The following CDH18 variants were observed in gnomAD, a reference collection of about 807,000 sequenced individuals.
The protein encoded by CDH18 is cadherin 18.
Under a neutral mutation model 67.9 loss-of-function variants are expected in CDH18, and 31 were observed. That is an observed-to-expected ratio of 0.46 (90% confidence interval 0.34 to 0.62). The LOEUF is 0.62. Ranked by LOEUF, CDH18 falls within the 20% of genes least tolerant of loss-of-function variation. The pLI is 0.01. For synonymous variants in CDH18, 362 were observed against 347.2 expected (o/e 1.04, Z -0.48); for missense variants, 890 against 975.5 (o/e 0.91, Z 1.17).
intron 5 of CDH18, among the ~76,000 whole-genome samples, chr5:19,640,260 C>T (rs1424995251): frequency 1.3e-5 from 2 of 152,056 alleles, no homozygotes; most frequent in African/African-American, 4.8e-5. Context: ...AAAAACTAAT[C>T]ATTAAAATAT....
In CDH18 at chr5:19,472,006, T is replaced by C. The variant is rs77364256; in HGVS notation, c.*1220A>G. ...CATCTCTACTTTGTGGTTTGGACCC[T>C]GAACACAGAGACTTTCGGAAACATA... On this transcript the variant is annotated 3_prime_UTR_variant, in exon 13 of 13. Coordinates refer to ENST00000382275, the MANE Select transcript of CDH18 (RefSeq NM_004934.5). Among the ~76,000 whole-genome samples, 1 of 152,042 alleles carries C rather than the reference T, an allele frequency of 6.6e-6. No individual in the cohort carries two copies. Among genetic ancestry groups the C allele is most frequent in the Admixed American group, 6.6e-5 (1 of 15,242 alleles).
intron 1 of CDH18, among the ~76,000 whole-genome samples, chr5:20,312,987 G>T (rs1156626250): frequency 6.6e-6 from 1 of 151,904 alleles, no homozygotes; most frequent in African/African-American, 2.4e-5. Flanking sequence ...TAAATAGCAG[G>T]TGCTTAAAAC....
At chr5:19,970,743 T>C (rs1797941301) in intron 2 of CDH18, among the ~76,000 whole-genome samples, 1 of 151,288 alleles carries the variant, frequency 6.6e-6, no homozygotes, top group Non-Finnish European at 1.5e-5. Flanking sequence ...CATTTATTTA[T>C]ACCGTAAAAT....
intron 2 of CDH18, among the ~76,000 whole-genome samples, chr5:20,215,934 T>C (rs1328549006): frequency 3.3e-5 from 5 of 151,580 alleles, no homozygotes; most frequent in Admixed American, 6.6e-5. Flanking sequence ...TGGGAACACA[T>C]GAACACATAG....
At chr5:19,693,366 T>A (rs1198493507) in intron 5 of CDH18, among the ~76,000 whole-genome samples, 1 of 152,224 alleles carries the variant, frequency 6.6e-6, no homozygotes, top group Non-Finnish European at 1.5e-5. Flanking sequence ...CTTATTTTTT[T>A]GAAGAGTTTA....
intron 1 of CDH18, among the ~76,000 whole-genome samples, chr5:20,255,710 T>C (rs1744183722): frequency 6.6e-6 from 1 of 151,990 alleles, no homozygotes; most frequent in South Asian, 2.1e-4. Flanking sequence ...TATGTCCAGT[T>C]AGAATTTTAG....
At chr5:20,468,427 T>C (rs903948338) in intron 1 of CDH18, among the ~76,000 whole-genome samples, 3 of 152,204 alleles carry the variant, frequency 2.0e-5, no homozygotes, top group Non-Finnish European at 4.4e-5. Flanking sequence ...CTTTCCCTCT[T>C]TTAGAATGAT....
chr5:20,216,439 C>T (rs1436454983), intron 2 of CDH18, among the ~76,000 whole-genome samples: 1 of 151,828 alleles, frequency 6.6e-6, no homozygotes, highest in Admixed American at 6.6e-5. Context: ...TAGTGGGAAC[C>T]TGTCTAAAAA....
At chr5:20,383,649 T>C (rs1744089154) in intron 1 of CDH18, among the ~76,000 whole-genome samples, 1 of 152,168 alleles carries the variant, frequency 6.6e-6, no homozygotes, top group East Asian at 1.9e-4. Context: ...CTCTTTTGCG[T>C]GAATCTTTCA....
At chr5:19,757,881 C>T (rs1029947064) in intron 3 of CDH18, among the ~76,000 whole-genome samples, 4 of 152,208 alleles carry the variant, frequency 2.6e-5, no homozygotes, top group African/African-American at 7.2e-5. Flanking sequence ...GATTTCCCTT[C>T]ACCGTTGTCC....
rs71647400 is a variant in CDH18 at position 20,363,718 on chromosome 5, A to ATT, written c.-579-108215_-579-108214dup. 3.6e-3 allele frequency among the ~76,000 whole-genome samples: 536 copies of ATT among 147,596 alleles called. 3 individuals are homozygous for ATT. Among genetic ancestry groups the ATT allele is most frequent in the African/African-American group, 5.6e-3 (226 of 40,278 alleles). ...AACAGATCCCACTTTAGCAAAGTTA[A>ATT]TTTTTTTTTTTTTTACACTTTCTCA... On this transcript the variant is annotated intron_variant, in intron 1 of 14. Transcript: ENST00000507958.
intron 2 of CDH18, among the ~76,000 whole-genome samples, chr5:20,093,740 A>G (rs1389060632): frequency 6.6e-6 from 1 of 152,194 alleles, no homozygotes; most frequent in Non-Finnish European, 1.5e-5. Flanking sequence ...TATGAGTTGC[A>G]TTTCTTTTCT....
At chr5:19,517,725 A>T (rs1746256464) in intron 10 of CDH18, among the ~76,000 whole-genome samples, 1 of 152,116 alleles carries the variant, frequency 6.6e-6, no homozygotes, top group Admixed American at 6.6e-5. Flanking sequence ...ACTTTCAGCT[A>T]TAATCATCTT....
intron 12 of CDH18, among the ~76,000 whole-genome samples, chr5:19,475,305 T>C (rs923814048): frequency 5.3e-5 from 8 of 151,524 alleles, no homozygotes; most frequent in African/African-American, 1.9e-4. Flanking sequence ...TTGATACACA[T>C]AATTTAGTAA....
At chr5:20,496,572 C>T (rs13171148) in intron 1 of CDH18, among the ~76,000 whole-genome samples, 23,404 of 152,014 alleles carry the variant, frequency 0.15, 2,421 homozygotes, top group Non-Finnish European at 0.23. Context: ...GATGGAGTCT[C>T]GCTCTGTCGC....
chr5:20,219,979 C>T (rs548110605), intron 2 of CDH18, among the ~76,000 whole-genome samples: 1 of 151,518 alleles, frequency 6.6e-6, no homozygotes, highest in Non-Finnish European at 1.5e-5. Context: ...TTGAAGAGGG[C>T]ACCAAAAAAG....
intron 2 of CDH18, among the ~76,000 whole-genome samples, chr5:20,109,316 T>C (rs1171467684): frequency 6.6e-6 from 1 of 152,210 alleles, no homozygotes; most frequent in South Asian, 2.1e-4. Flanking sequence ...AGACACAGTC[T>C]CCAAGTTTAA....
chr5:19,490,406 T>G (rs911783557), intron 11 of CDH18, among the ~76,000 whole-genome samples: 2 of 120,146 alleles, frequency 1.7e-5, no homozygotes, highest in Admixed American at 8.5e-5. Flanking sequence ...TTTTTTTTTT[T>G]TTTTTTTTTT....
At chr5:19,820,734 C>T (rs78422458) in intron 3 of CDH18, among the ~76,000 whole-genome samples, 6,794 of 152,222 alleles carry the variant, frequency 0.045, 519 homozygotes, top group African/African-American at 0.16. Context: ...AGGGTCTCAT[C>T]TACTGGATCT....
Sources: allele counts gnomAD v4.1 joint callset (sites outside exome capture counted in the v4.1 genomes callset), GRCh38; gene constraint gnomAD v4.1.1; transcripts MANE v1.5; gene names NCBI Gene and HGNC (gene_info 2026-07-23, HGNC 2026-07-21).